Variants in NHS observed in about 807,000 individuals in gnomAD.
NHS encodes actin remodeling regulator NHS.
NHS carries 5 observed loss-of-function variants against 72.5 expected under a neutral mutation model. The ratio of observed to expected loss-of-function variants is 0.07; its 90% CI spans 0.04 to 0.14. NHS has a LOEUF of 0.14. Ranked by LOEUF, NHS falls within the 10% of genes least tolerant of loss-of-function variation. The pLI is 1.00. For missense variants in NHS, 1,072 were observed against 1,355.7 expected, an observed-to-expected ratio of 0.79 and a Z score of 3.29; for synonymous variants, 464 against 547.7, an observed-to-expected ratio of 0.85 and a Z score of 2.13.
chrX:17,569,454 C>A (rs1276518594), intron 1 of NHS, among the ~76,000 whole-genome samples: 4 of 110,593 alleles, frequency 3.6e-5, no homozygotes, highest in Non-Finnish European at 7.5e-5. Context: ...CTGTTGGCTG[C>A]ATAAATGTCT....
chrX:17,606,369 G>A (rs1011554208), intron 1 of NHS, among the ~76,000 whole-genome samples: 3 of 111,974 alleles, frequency 2.7e-5, no homozygotes, highest in Non-Finnish European at 3.8e-5. Flanking sequence ...GAGGCCCCTG[G>A]TAGACATGAG....
intron 1 of NHS, among the ~76,000 whole-genome samples, chrX:17,523,456 G>T (rs1167344961): frequency 2.7e-5 from 3 of 111,848 alleles, no homozygotes; most frequent in African/African-American, 9.7e-5. Flanking sequence ...AAAAATGGCA[G>T]GGCTGACACA....
At chrX:17,564,204 T>C (rs765505093) in intron 1 of NHS, among the ~76,000 whole-genome samples, 1 of 112,277 alleles carries the variant, frequency 8.9e-6, no homozygotes, top group African/African-American at 3.2e-5. Flanking sequence ...GTGAAACTGA[T>C]CTCTCATCCA....
intron 1 of NHS, among the ~76,000 whole-genome samples, chrX:17,475,841 T>C (rs1257926789): frequency 8.9e-6 from 1 of 112,121 alleles, no homozygotes; most frequent in Non-Finnish European, 1.9e-5. Flanking sequence ...CCTCGCCTCG[T>C]CCTTTTCCTA....
intron 1 of NHS, among the ~76,000 whole-genome samples, chrX:17,445,905 G>A (rs914926777): frequency 9.3e-6 from 1 of 107,939 alleles, no homozygotes; most frequent in Non-Finnish European, 1.9e-5. Context: ...AAGTAATTAC[G>A]CTGAACCCCC....
intron 1 of NHS, among the ~76,000 whole-genome samples, chrX:17,460,909 G>A (rs2064844657): frequency 8.9e-6 from 1 of 112,063 alleles, no homozygotes; most frequent in South Asian, 3.7e-4. Context: ...AACGATTCAA[G>A]CCCAGGGAGT....
rs200924640 is a variant in NHS at position 17,726,554 on chromosome X, G to A, written c.2448G>A (p.Gly816=). The part of the protein sequence containing the change: ...ALGPENGQGV[G]ASPGLPDCAW... ...GCCCAGAGAATGGCCAGGGTGTAGG[G>A]GCTTCCCCTGGTCTTCCAGATTGTG... Residue 816 remains glycine, a synonymous_variant, in exon 7 of 9, where the codon GGG becomes GGA. Coordinates refer to ENST00000676302, the MANE Select transcript of NHS (RefSeq NM_001291867.2). 1.1e-5 allele frequency: 13 copies of A among 1,210,237 alleles called. No individual in the cohort carries two copies. In the East Asian group the frequency reaches 3.6e-4, roughly 33 times the overall value.
chrX:17,724,521 C>A, intron 6 of NHS, 91 bp downstream of exon 6: 1 of 1,116,437 alleles, frequency 9.0e-7, no homozygotes, highest in Non-Finnish European at 1.2e-6. Flanking sequence ...AACATTTTAA[C>A]TTGTAGAGGT....
intron 1 of NHS, among the ~76,000 whole-genome samples, chrX:17,418,360 C>A (rs1325809484): frequency 8.9e-6 from 1 of 111,754 alleles, no homozygotes; most frequent in Non-Finnish European, 1.9e-5. Context: ...CTAGAGATAA[C>A]CTCTTCATCA....
At chrX:17,579,627 G>A (rs933033482) in intron 1 of NHS, among the ~76,000 whole-genome samples, 1 of 111,301 alleles carries the variant, frequency 9.0e-6, no homozygotes, top group African/African-American at 3.3e-5. Context: ...CCCTCTTTAC[G>A]CAGGCATAGC....
Position 17,725,631 on chromosome X carries a change from C to T in NHS, c.1525C>T (p.Arg509Trp), listed in dbSNP as rs965999976. 6 of 1,209,266 alleles carry T rather than the reference C, an allele frequency of 5.0e-6. No homozygotes were observed. The highest frequency in any genetic ancestry group is 1.8e-5 in the South Asian group (1 of 56,737). Reference protein sequence around the residue: ...SSRTRSRSLPREGNRGGDAEP... With the variant: ...SSRTRSRSLPWEGNRGGDAEP... ...CCGCACAAGATCTCGGAGCCTTCCC[C>T]GGGAAGGTAATAGAGGTGGGGATGC... The change falls in exon 7 of 9, where the codon CGG becomes TGG. Residue 509 changes from arginine (R) to tryptophan (W), a missense_variant. Transcript: ENST00000676302.
intron 1 of NHS, among the ~76,000 whole-genome samples, chrX:17,509,456 A>G (rs1397926505): frequency 9.0e-6 from 1 of 111,656 alleles, no homozygotes; most frequent in Non-Finnish European, 1.9e-5. Context: ...CAAACTCCTT[A>G]CCTCAGGTGA....
intron 1 of NHS, among the ~76,000 whole-genome samples, chrX:17,584,392 G>C (rs750351081): frequency 3.8e-4 from 42 of 111,708 alleles, no homozygotes; most frequent in Non-Finnish European, 7.2e-4. Context: ...TGGGTGTCTT[G>C]TTTCTCCTTT....
intron 1 of NHS, among the ~76,000 whole-genome samples, chrX:17,679,866 G>T (rs1204688426): frequency 9.5e-6 from 1 of 104,878 alleles, no homozygotes; most frequent in Non-Finnish European, 2.0e-5. Flanking sequence ...GAAAGGGGGG[G>T]GGGGTGTGCG....
chrX:17,604,947 G>A (rs1396062854), intron 1 of NHS, among the ~76,000 whole-genome samples: 2 of 111,964 alleles, frequency 1.8e-5, no homozygotes, highest in Non-Finnish European at 3.8e-5. Context: ...AACATTCAAG[G>A]GCAATTCAGG....
chrX:17,486,339 T>C (rs1290597357), intron 1 of NHS, among the ~76,000 whole-genome samples: 1 of 112,510 alleles, frequency 8.9e-6, no homozygotes, highest in Non-Finnish European at 1.9e-5. Context: ...CTCATTGCTG[T>C]ATAACAAATA....
At chrX:17,470,634 G>A (rs2064888638) in intron 1 of NHS, among the ~76,000 whole-genome samples, 1 of 111,338 alleles carries the variant, frequency 9.0e-6, no homozygotes, top group Non-Finnish European at 1.9e-5. Flanking sequence ...CTGCACTCCA[G>A]CTACCACTGG....
intron 1 of NHS, among the ~76,000 whole-genome samples, chrX:17,511,909 A>C (rs960289659): frequency 2.7e-5 from 3 of 111,318 alleles, no homozygotes; most frequent in Non-Finnish European, 5.7e-5. Context: ...GCAGCCCTCA[A>C]CCAGGACACA....
intron 1 of NHS, among the ~76,000 whole-genome samples, chrX:17,614,002 G>A (rs1225610717): frequency 8.9e-6 from 1 of 112,271 alleles, no homozygotes; most frequent in Non-Finnish European, 1.9e-5. Flanking sequence ...TTCTTCTGGG[G>A]GTAGGTATAG....
Sources: gnomAD v4.1 joint callset for allele counts (sites outside exome capture counted in the v4.1 genomes callset) on GRCh38, gnomAD v4.1.1 for gene constraint, MANE v1.5 for transcripts, NCBI Gene and HGNC (gene_info 2026-07-23, HGNC 2026-07-21) for gene names.